MTREX: variants seen among roughly 807,000 people sequenced by gnomAD.
MTREX encodes the protein exosome RNA helicase MTR4.
A neutral mutation model predicts 135.4 loss-of-function variants in MTREX; 76 were observed. That is an observed-to-expected ratio of 0.56 (90% CI 0.47 to 0.68). MTREX has a LOEUF of 0.68. MTREX is among the 30% of genes least tolerant of loss of function. The probability of loss-of-function intolerance (pLI) is 0.00; values close to 1 mark genes in which losing one functional copy is unlikely to be tolerated. For missense variants in MTREX, 920 were observed against 1,262.1 expected (o/e 0.73, Z 4.11); for synonymous variants, 404 against 401.6 (o/e 1.01, Z -0.07).
intron 6 of MTREX, 97 bp from the exon 7 acceptor site, chr5:55,341,584 A>T: frequency 1.8e-6 from 1 of 563,938 alleles, no homozygotes; most frequent in Non-Finnish European, 3.1e-6. Flanking sequence ...TTTAATAAAG[A>T]ATATCCAAAA....
intron 1 of MTREX, among the ~76,000 whole-genome samples, chr5:55,311,349 G>A (rs949585742): frequency 2.0e-5 from 3 of 151,816 alleles, no homozygotes; most frequent in Non-Finnish European, 2.9e-5. Flanking sequence ...CAGTTGTCTC[G>A]GATGTTTTTT....
At chr5:55,329,374 A>G (rs893416939) in intron 5 of MTREX, 3 of 151,950 alleles carry the variant, frequency 2.0e-5, no homozygotes, top group Admixed American at 6.6e-5. Context: ...CAGAGTCTCA[A>G]ACTTAAATAG....
Position 55,424,704 on chromosome 5 carries a change from CT to C in MTREX, c.3077-13del. ...TGTGGTCTTGAAAGTTTAAACCTTA[CT>C]TTCTTTTCTCTTAGGAATCACCAAA... is the stretch of plus-strand genomic sequence containing the variant. On this transcript the variant is annotated splice_polypyrimidine_tract_variant and intron_variant, in intron 26 of 26. Transcript: ENST00000230640. 1 of 1,602,624 alleles carries C rather than the reference CT, an allele frequency of 6.2e-7. No individual in the cohort carries two copies. Among genetic ancestry groups the C allele is most frequent in the Non-Finnish European group, 8.5e-7 (1 of 1,169,910 alleles).
chr5:55,374,352 A>T (rs1474065602), intron 16 of MTREX, among the ~76,000 whole-genome samples: 2 of 151,086 alleles, frequency 1.3e-5, no homozygotes, highest in African/African-American at 4.9e-5. Flanking sequence ...CACTGGCAAA[A>T]TCATAGCTCA....
chr5:55,328,671 T>A (rs1033380969), intron 4 of MTREX, 28 bp from the exon 5 acceptor site: 4 of 1,456,408 alleles, frequency 2.7e-6, no homozygotes, highest in Non-Finnish European at 2.9e-6. Flanking sequence ...GATGTTTTTA[T>A]GCAGATATTA....
Position 55,347,043 on chromosome 5 carries a change from T to G in MTREX, c.1139T>G (p.Met380Arg), listed in dbSNP as rs755253071. The G allele has an allele frequency of 6.2e-7, 1 of 1,610,600 alleles. No homozygotes were observed. Among genetic ancestry groups the G allele is most frequent in the Admixed American group, 1.7e-5 (1 of 59,296 alleles). Residue 380 changes from methionine to arginine, a missense_variant, in exon 11 of 27, where the codon ATG (methionine) becomes AGG (arginine). Coordinates refer to ENST00000230640, the MANE Select transcript of MTREX (RefSeq NM_015360.5). Reference sequence around the variant, plus strand: ...TCAAATGTTTTCAAAATTGTGAAGATGATTATGGAAAGAAATTTCCAACCT... The same window carrying G: ...TCAAATGTTTTCAAAATTGTGAAGAGGATTATGGAAAGAAATTTCCAACCT... The part of the protein sequence containing the change: ...GPSNVFKIVK[M>R]IMERNFQPVI...
intron 13 of MTREX, 66 bp downstream of exon 13, chr5:55,351,095 A>G: frequency 6.8e-7 from 1 of 1,468,368 alleles, no homozygotes; most frequent in Non-Finnish European, 9.0e-7. Flanking sequence ...AAAATGAGAG[A>G]ACATTGTTTA....
intron 1 of MTREX, among the ~76,000 whole-genome samples, chr5:55,308,412 G>A (rs998833580): frequency 6.6e-5 from 10 of 151,908 alleles, no homozygotes; most frequent in African/African-American, 2.4e-4. Flanking sequence ...CCATCTTCGC[G>A]GTTGTCTCCT....
intron 24 of MTREX, among the ~76,000 whole-genome samples, chr5:55,415,139 G>C (rs536041157): frequency 6.6e-6 from 1 of 152,084 alleles, no homozygotes; most frequent in East Asian, 1.9e-4. Context: ...ACAAAAAAAT[G>C]TGTCATAAAA....
chr5:55,396,938 T>C (rs1315965181), intron 19 of MTREX, among the ~76,000 whole-genome samples: 1 of 152,232 alleles, frequency 6.6e-6, no homozygotes, highest in Non-Finnish European at 1.5e-5. Flanking sequence ...AGTTTGCAGA[T>C]AGGTGTTCTT....
chr5:55,315,698 G>A (rs1436880562), intron 1 of MTREX, among the ~76,000 whole-genome samples: 1 of 151,884 alleles, frequency 6.6e-6, no homozygotes, highest in Admixed American at 6.6e-5. Flanking sequence ...TAAGAAGGTG[G>A]TTGTTCTACA....
chr5:55,377,173 A>G (rs968162976), intron 16 of MTREX, among the ~76,000 whole-genome samples: 4 of 152,100 alleles, frequency 2.6e-5, no homozygotes, highest in African/African-American at 9.7e-5. Flanking sequence ...CTAAAAATAC[A>G]AAAATTAGCT....
chr5:55,315,770 CTG>C (rs1749188616), intron 1 of MTREX, among the ~76,000 whole-genome samples: 1 of 150,986 alleles, frequency 6.6e-6, no homozygotes, highest in African/African-American at 2.4e-5. Flanking sequence ...AAGTATAAGA[CTG>C]TGGAGCTGGG....
intron 5 of MTREX, among the ~76,000 whole-genome samples, chr5:55,331,567 T>A (rs994326132): frequency 6.6e-6 from 1 of 152,210 alleles, no homozygotes; most frequent in Non-Finnish European, 1.5e-5. Context: ...TGGTTGGTTT[T>A]TCCCTGGCCT....
Position 55,425,482 on chromosome 5 carries a change from T to G in MTREX, c.*710T>G. The G allele has an allele frequency of 2.9e-6, 2 of 696,232 alleles. No homozygotes were observed. The highest frequency in any genetic ancestry group is 7.4e-5 in the Admixed American group (2 of 27,058). The allele number at this position is 696,232 out of a possible 1,614,324, so 43.1% of individuals were successfully genotyped here. Reference sequence around the variant, plus strand: ...AGCATATAAAAAATTAGAGACTAACTGGGATTTTTTAAAGATTATTCCAAA... The same window carrying G: ...AGCATATAAAAAATTAGAGACTAACGGGGATTTTTTAAAGATTATTCCAAA... On this transcript the variant is annotated 3_prime_UTR_variant, in exon 27 of 27. Transcript: ENST00000230640.
chr5:55,364,178 G>A (rs146765561), intron 15 of MTREX, among the ~76,000 whole-genome samples: 30 of 152,284 alleles, frequency 2.0e-4, no homozygotes, highest in East Asian at 7.7e-4. Flanking sequence ...CTTTAGCATC[G>A]AGAATTAACA....
At chr5:55,321,828 C>CT (rs373107197) in intron 1 of MTREX, among the ~76,000 whole-genome samples, 6 of 152,116 alleles carry the variant, frequency 3.9e-5, no homozygotes, top group Admixed American at 1.3e-4. Context: ...AGGCTGGTCT[C>CT]TAACTCCCGA....
chr5:55,404,747 A>C (rs957212129), intron 21 of MTREX, among the ~76,000 whole-genome samples: 5 of 150,698 alleles, frequency 3.3e-5, no homozygotes, highest in Non-Finnish European at 7.4e-5. Flanking sequence ...TCCTCCTTCT[A>C]GCCTTCCTCC....
At chr5:55,411,006 C>T (rs925592826) in intron 23 of MTREX, among the ~76,000 whole-genome samples, 4 of 152,074 alleles carry the variant, frequency 2.6e-5, no homozygotes, top group Non-Finnish European at 5.9e-5. Context: ...AACTCTCCTC[C>T]CCGGTGTTGA....
Sources: gnomAD v4.1 joint callset for allele counts (sites outside exome capture counted in the v4.1 genomes callset) on GRCh38, gnomAD v4.1.1 for gene constraint, MANE v1.5 for transcripts, NCBI Gene and HGNC (gene_info 2026-07-23, HGNC 2026-07-21) for gene names.